Variants in ABCB8 observed in about 807,000 individuals in gnomAD.
The protein encoded by ABCB8 is ATP binding cassette subfamily B member 8.
Under a neutral mutation model 73.0 loss-of-function variants are expected in ABCB8, and 52 were observed. The observed-to-expected ratio is 0.71, with a 90% CI of 0.57 to 0.90. The LOEUF (loss-of-function observed/expected upper bound fraction) is 0.90. ABCB8 is among the 40% of genes least tolerant of loss of function. The pLI is 0.00. For synonymous variants in ABCB8, 428 were observed against 423.5 expected, an observed-to-expected ratio of 1.01 and a Z score of -0.13; for missense variants, 909 against 974.6, an observed-to-expected ratio of 0.93 and a Z score of 0.90.
At position 151,036,171 on chromosome 7, in the gene ABCB8, G is replaced by GT; in HGVS notation, c.1111+2dup. The GT allele has an allele frequency of 6.2e-7, 1 of 1,602,884 alleles. No homozygotes were observed. The highest frequency in any genetic ancestry group is 1.7e-5 in the Admixed American group (1 of 59,634). ...GGGCTTTCCAACATCGCCTTCAACT[G>GT]TGAGTGAGCCATTTGGGGGCTGGAG... On this transcript the variant is annotated splice_donor_variant, in intron 8 of 15. Transcript: ENST00000358849. LOFTEE classifies it high-confidence loss of function.
chr7:151,037,794 A>AG (rs1796351788), intron 9 of ABCB8: 1 of 170,674 alleles, frequency 5.9e-6, no homozygotes, highest in African/African-American at 2.4e-5. Context: ...AGGAAGCGGG[A>AG]GGCGGACGGA....
At chr7:151,037,278 C>T (rs1326325198) in intron 9 of ABCB8, 1 of 703,066 alleles carries the variant, frequency 1.4e-6, no homozygotes. Context: ...TTCCCTTCCG[C>T]TGCAGGCTGT....
intron 15 of ABCB8, among the ~76,000 whole-genome samples, chr7:151,044,634 C>T (rs1244963941): frequency 6.6e-6 from 1 of 152,188 alleles, no homozygotes; most frequent in Non-Finnish European, 1.5e-5. Context: ...CTCCCAGCTA[C>T]TCTGGAGGCG....
chr7:151,041,000 C>T lies in ABCB8; in HGVS notation c.1483+78C>T, dbSNP rs1176153262. On this transcript the variant is annotated intron_variant, in intron 12 of 15. Transcript: ENST00000358849. ...CAGAGCAAGGCCGGGAGCAGTGAGCCCCCGGTGGGGTCCCTTCCTCCACTG... is the reference window on the plus strand; with the variant it reads ...CAGAGCAAGGCCGGGAGCAGTGAGCTCCCGGTGGGGTCCCTTCCTCCACTG... The T allele has an allele frequency of 1.1e-5, 18 of 1,606,892 alleles. No homozygotes were observed. The South Asian group carries it at 1.2e-4, about 11-fold the overall frequency.
At chr7:151,043,376 A>G (rs1271378108) in intron 14 of ABCB8, among the ~76,000 whole-genome samples, 2 of 149,262 alleles carry the variant, frequency 1.3e-5, no homozygotes, top group African/African-American at 5.0e-5. Flanking sequence ...AACCCAGAGG[A>G]GGAGTGTACA....
At chr7:151,034,137 G>A in intron 2 of ABCB8, 136 bp from the exon 3 acceptor site, 1 of 1,175,744 alleles carries the variant, frequency 8.5e-7, no homozygotes, top group Non-Finnish European at 1.2e-6. Context: ...AGGCACTGAT[G>A]TGTCCACATG....
rs370406880 is a variant in ABCB8, at chr7:151,044,231, C to T, written c.2016+10C>T. 1.9e-6 allele frequency: 3 copies of T among 1,594,228 alleles called. No homozygotes were observed. The highest frequency in any genetic ancestry group is 2.6e-6 in the Non-Finnish European group (3 of 1,165,300). On this transcript the variant is annotated intron_variant, in intron 15 of 15. Coordinates refer to ENST00000358849, the MANE Select transcript of ABCB8 (RefSeq NM_007188.5). Reference sequence around the variant, plus strand: ...TGGCCGTGTCTGGGAGGTTAGTTGTCCTGGGGGCGTGGATCAGTGGGTTGA... The same window carrying T: ...TGGCCGTGTCTGGGAGGTTAGTTGTTCTGGGGGCGTGGATCAGTGGGTTGA...
intron 1 of ABCB8, among the ~76,000 whole-genome samples, chr7:151,032,404 G>A (rs563515145): frequency 6.6e-6 from 1 of 152,226 alleles, no homozygotes; most frequent in Admixed American, 6.5e-5. Context: ...GGTTCAAAAT[G>A]TGTAGAATAG....
chr7:151,041,006 T>G, intron 12 of ABCB8, 84 bp downstream of exon 12: 1 of 1,608,356 alleles, frequency 6.2e-7, no homozygotes, highest in East Asian at 2.2e-5. Context: ...GAGCCCCCGG[T>G]GGGGTCCCTT....
intron 1 of ABCB8, chr7:151,033,009 C>G: frequency 2.2e-6 from 1 of 456,612 alleles, no homozygotes; most frequent in Non-Finnish European, 4.4e-6. Flanking sequence ...CTGCTGCCTG[C>G]GGACAAGTTA....
chr7:151,037,265 G>T (rs566019753), intron 9 of ABCB8: 1 of 702,882 alleles, frequency 1.4e-6, no homozygotes, highest in Admixed American at 2.0e-5. Flanking sequence ...CACCCTGTCC[G>T]AATTCCCTTC....
intron 1 of ABCB8, among the ~76,000 whole-genome samples, chr7:151,029,360 A>T (rs1023402684): frequency 6.6e-6 from 1 of 151,718 alleles, no homozygotes; most frequent in African/African-American, 2.4e-5. Context: ...TTCGCAAAAC[A>T]CTCTACACAG....
At position 151,047,530 on chromosome 7, in the gene ABCB8, G is replaced by A. The variant is rs140363413; in HGVS notation, c.*2181G>A. On this transcript the variant is annotated 3_prime_UTR_variant, in exon 16 of 16. Coordinates refer to ENST00000358849, the MANE Select transcript of ABCB8 (RefSeq NM_007188.5). ...GAGCCCACGATGGGGAATGAGGACA[G>A]TCCCTGCCCCCATGAAGCTTGTGTC... is the stretch of plus-strand genomic sequence containing the variant. 5.5e-4 allele frequency: 84 copies of A among 152,408 alleles called. No individual in the cohort carries two copies. The highest frequency in any genetic ancestry group is 1.9e-3 in the African/African-American group (78 of 41,584). 9.4% of individuals were successfully genotyped at this position (152,408 alleles called of 1,614,324 possible).
In ABCB8 at chr7:151,040,917, G is replaced by A; in HGVS notation, c.1478G>A (p.Gly493Asp). The change falls in exon 12 of 16, where the codon GGC becomes GAC. Residue 493 changes from glycine (G) to aspartate (D), a missense_variant. Gly to Asp is a moderately conservative substitution (Grantham distance 94). Transcript: ENST00000358849. ...GKIVALVGQS[G>D]GGKTTVASLL... ...ATCGTGGCCCTCGTGGGCCAGTCTGGCGGAGGTAAGGGGAGCCCACCACCT... is the reference window on the plus strand; with the variant it reads ...ATCGTGGCCCTCGTGGGCCAGTCTGACGGAGGTAAGGGGAGCCCACCACCT... 1 of 1,603,416 alleles carries A rather than the reference G, an allele frequency of 6.2e-7. No homozygotes were observed.
intron 9 of ABCB8, chr7:151,039,585 C>CT (rs1466422986): frequency 6.6e-6 from 1 of 152,340 alleles, no homozygotes; most frequent in Non-Finnish European, 1.5e-5. Context: ...CACCCACTGT[C>CT]TAGACAGATA....
intron 1 of ABCB8, 172 bp downstream of exon 1, chr7:151,028,782 A>G: frequency 6.5e-7 from 1 of 1,539,866 alleles, no homozygotes; most frequent in Non-Finnish European, 8.7e-7. Context: ...ATTTATAGTG[A>G]CACTCCAGTC....
intron 1 of ABCB8, 180 bp downstream of exon 1, chr7:151,028,790 G>T: frequency 6.5e-7 from 1 of 1,544,476 alleles, no homozygotes; most frequent in Non-Finnish European, 8.7e-7. Context: ...TGACACTCCA[G>T]TCGCCAGCAG....
chr7:151,035,448 A>T (rs934864113), intron 5 of ABCB8, 133 bp from the exon 6 acceptor site: 3 of 1,061,010 alleles, frequency 2.8e-6, no homozygotes, highest in Non-Finnish European at 4.1e-6. Context: ...GTGGACTGCC[A>T]CTGGGCCTCC....
intron 9 of ABCB8, chr7:151,038,747 G>A (rs1796378459): frequency 6.6e-6 from 1 of 152,162 alleles, no homozygotes; most frequent in African/African-American, 2.4e-5. Context: ...GGGCTTGTCT[G>A]TGCTGTTTCG....
Sources: gnomAD v4.1 joint callset for allele counts (sites outside exome capture counted in the v4.1 genomes callset) on GRCh38, gnomAD v4.1.1 for gene constraint, MANE v1.5 for transcripts, NCBI Gene and HGNC (gene_info 2026-07-23, HGNC 2026-07-21) for gene names.